The following DTWD2 variants were observed in gnomAD, a reference collection of about 807,000 sequenced individuals.
DTWD2 encodes DTW motif tRNA-uridine aminocarboxypropyltransferase 2, also known as tRNA-uridine aminocarboxypropyltransferase 2.
DTWD2 carries 39 observed loss-of-function variants against 31.8 expected under a neutral mutation model. The observed-to-expected ratio is 1.22, with a 90% CI of 0.95 to 1.60. The LOEUF (loss-of-function observed/expected upper bound fraction) is 1.60, where lower values mean the gene tolerates loss of function less well. Among genes scored for constraint, DTWD2 ranks in the 40% most tolerant of loss-of-function variants. DTWD2 has a pLI of 0.00. For missense variants in DTWD2, 515 were observed against 381.5 expected (o/e 1.35, Z -2.92); for synonymous variants, 180 against 142.8 (o/e 1.26, Z -1.86).
chr5:118,899,799 C>CTT (rs1163738328), intron 4 of DTWD2, among the ~76,000 whole-genome samples: 102 of 124,920 alleles, frequency 8.2e-4, no homozygotes, highest in Non-Finnish European at 1.1e-3. Flanking sequence ...TTCGTTTTTT[C>CTT]TTTTTTTTTT....
At chr5:118,956,139 C>G (rs1469870198) in intron 1 of DTWD2, among the ~76,000 whole-genome samples, 2 of 152,206 alleles carry the variant, frequency 1.3e-5, no homozygotes, top group African/African-American at 4.8e-5. Flanking sequence ...GGAATAACTA[C>G]TGCATTACAG....
At chr5:118,879,680 A>G (rs1419327004) in intron 4 of DTWD2, among the ~76,000 whole-genome samples, 4 of 151,884 alleles carry the variant, frequency 2.6e-5, no homozygotes, top group Non-Finnish European at 5.9e-5. Context: ...AAAGGCCCTT[A>G]TCCTTAGTAA....
At chr5:118,925,400 A>T (rs140008976) in intron 4 of DTWD2, among the ~76,000 whole-genome samples, 1 of 152,350 alleles carries the variant, frequency 6.6e-6, no homozygotes, top group African/African-American at 2.4e-5. Flanking sequence ...CCAGGTACCT[A>T]TTCACACAGA....
intron 1 of DTWD2, among the ~76,000 whole-genome samples, chr5:118,977,821 A>G (rs1262628267): frequency 1.3e-5 from 2 of 152,234 alleles, no homozygotes; most frequent in African/African-American, 4.8e-5. Context: ...TCACAGTATT[A>G]GGAAAAACTA....
chr5:118,980,549 G>C (rs1387401629), intron 1 of DTWD2, among the ~76,000 whole-genome samples: 1 of 152,164 alleles, frequency 6.6e-6, no homozygotes, highest in Non-Finnish European at 1.5e-5. Flanking sequence ...TGGCCAAAAA[G>C]CACATGAGAA....
chr5:118,960,767 G>C (rs1369755424), intron 1 of DTWD2, among the ~76,000 whole-genome samples: 1 of 151,940 alleles, frequency 6.6e-6, no homozygotes, highest in African/African-American at 2.4e-5. Context: ...ACAAAATCAT[G>C]TCCTTTAGAG....
intron 4 of DTWD2, among the ~76,000 whole-genome samples, chr5:118,884,577 T>C (rs920988359): frequency 6.6e-6 from 1 of 152,202 alleles, no homozygotes; most frequent in East Asian, 1.9e-4. Context: ...TTTCTGAAAA[T>C]ATTTCACACT....
At chr5:118,927,803 C>G (rs1404941320) in intron 4 of DTWD2, among the ~76,000 whole-genome samples, 2 of 152,054 alleles carry the variant, frequency 1.3e-5, no homozygotes, top group Non-Finnish European at 2.9e-5. Context: ...CATCTAATTT[C>G]TAAGGTGCAA....
At chr5:118,899,436 G>T (rs1032211367) in intron 4 of DTWD2, among the ~76,000 whole-genome samples, 1 of 152,172 alleles carries the variant, frequency 6.6e-6, no homozygotes, top group Admixed American at 6.5e-5. Flanking sequence ...TTTCCCTAGA[G>T]ACAATGGTTC....
At chr5:118,859,597 G>T (rs1439796123) in intron 4 of DTWD2, among the ~76,000 whole-genome samples, 1 of 151,900 alleles carries the variant, frequency 6.6e-6, no homozygotes. Flanking sequence ...CCAATAATTA[G>T]GTTCATTTGT....
chr5:118,925,273 A>G (rs991332158), intron 4 of DTWD2, among the ~76,000 whole-genome samples: 1 of 152,242 alleles, frequency 6.6e-6, no homozygotes, highest in African/African-American at 2.4e-5. Flanking sequence ...AGTATACCAA[A>G]AAATAAAAAC....
chr5:118,967,765 A>G (rs1180089568), intron 1 of DTWD2, among the ~76,000 whole-genome samples: 1 of 152,274 alleles, frequency 6.6e-6, no homozygotes, highest in East Asian at 1.9e-4. Flanking sequence ...CAATAAATGT[A>G]GAAAGAATGG....
chr5:118,897,127 T>C (rs1753101362), intron 4 of DTWD2, among the ~76,000 whole-genome samples: 1 of 152,176 alleles, frequency 6.6e-6, no homozygotes, highest in Non-Finnish European at 1.5e-5. Flanking sequence ...CAGTATATAG[T>C]GGAACTCACG....
At chr5:118,844,029 A>G (rs564308142) in intron 5 of DTWD2, among the ~76,000 whole-genome samples, 87 of 152,366 alleles carry the variant, frequency 5.7e-4, no homozygotes, top group African/African-American at 1.9e-3. Flanking sequence ...TGAATTATCT[A>G]GATAGTTCCT....
At chr5:118,941,864 C>T (rs534606476) in intron 2 of DTWD2, among the ~76,000 whole-genome samples, 160 of 152,228 alleles carry the variant, frequency 1.1e-3, no homozygotes, top group Admixed American at 1.7e-3. Flanking sequence ...TTTTAATGAT[C>T]GCCATTCTAA....
At chr5:118,857,031 C>T (rs758880201) in intron 4 of DTWD2, among the ~76,000 whole-genome samples, 7 of 152,004 alleles carry the variant, frequency 4.6e-5, no homozygotes, top group Non-Finnish European at 1.0e-4. Context: ...CCCACCTCAG[C>T]CTCCCAAAGT....
At chr5:118,908,436 G>A (rs1476268653) in intron 4 of DTWD2, among the ~76,000 whole-genome samples, 1 of 152,056 alleles carries the variant, frequency 6.6e-6, no homozygotes, top group African/African-American at 2.4e-5. Context: ...GGTAAACTAT[G>A]GCTCAGAGAA....
chr5:118,916,289 C>T (rs1471618071), intron 4 of DTWD2, among the ~76,000 whole-genome samples: 2 of 152,098 alleles, frequency 1.3e-5, no homozygotes, highest in Non-Finnish European at 2.9e-5. Context: ...ATATGTGGTC[C>T]ATGATTATTT....
chr5:118,960,638 T>C (rs937189857), intron 1 of DTWD2, among the ~76,000 whole-genome samples: 1 of 152,168 alleles, frequency 6.6e-6, no homozygotes, highest in South Asian at 2.1e-4. Flanking sequence ...GTATGTTCAA[T>C]GCAGCCCTAT....
Sources: gnomAD v4.1 joint callset for allele counts (sites outside exome capture counted in the v4.1 genomes callset) on GRCh38, gnomAD v4.1.1 for gene constraint, MANE v1.5 for transcripts, NCBI Gene and HGNC (gene_info 2026-07-23, HGNC 2026-07-21) for gene names.